The following MALRD1 variants were observed in gnomAD, a reference collection of about 807,000 sequenced individuals.
The protein encoded by MALRD1 is MAM and LDL-receptor class A domain-containing protein 1.
MALRD1 carries 247 observed loss-of-function variants against 242.1 expected under a neutral mutation model. The ratio of observed to expected loss-of-function variants is 1.02; its 90% CI spans 0.92 to 1.13. The LOEUF (loss-of-function observed/expected upper bound fraction) is 1.13, where lower values mean the gene tolerates loss of function less well. Ranked by LOEUF, MALRD1 falls within the 50% of genes most tolerant of loss-of-function variation. The pLI is 0.00. For synonymous variants in MALRD1, 995 were observed against 866.6 expected, an observed-to-expected ratio of 1.15 and a Z score of -2.60; for missense variants, 2,989 against 2,533.1, an observed-to-expected ratio of 1.18 and a Z score of -3.86.
At chr10:19,449,145 G>C (rs1462404522) in intron 28 of MALRD1, among the ~76,000 whole-genome samples, 1 of 152,086 alleles carries the variant, frequency 6.6e-6, no homozygotes, top group Non-Finnish European at 1.5e-5. Context: ...AGATTTTACT[G>C]AGTAGGGCAA....
At chr10:19,354,412 A>G (rs927384387) in intron 26 of MALRD1, among the ~76,000 whole-genome samples, 6 of 152,150 alleles carry the variant, frequency 3.9e-5, no homozygotes, top group Non-Finnish European at 8.8e-5. Flanking sequence ...GTAGGATGTA[A>G]CTAAATACCA....
At chr10:19,078,419 G>A (rs1399614023) in intron 2 of MALRD1, among the ~76,000 whole-genome samples, 1 of 151,766 alleles carries the variant, frequency 6.6e-6, no homozygotes, top group South Asian at 2.1e-4. Flanking sequence ...GCTTGACCAT[G>A]GCGAAAAATT....
chr10:19,715,907 T>C (rs1224230742), intron 38 of MALRD1, among the ~76,000 whole-genome samples: 1 of 152,180 alleles, frequency 6.6e-6, no homozygotes, highest in Non-Finnish European at 1.5e-5. Context: ...AGGGCAGCAC[T>C]AAGCCCTTCA....
intron 34 of MALRD1, among the ~76,000 whole-genome samples, chr10:19,600,791 C>G (rs752739054): frequency 4.7e-4 from 72 of 152,098 alleles, no homozygotes; most frequent in Non-Finnish European, 8.4e-4. Context: ...AGTGAATGAG[C>G]TATGTGGCAC....
At chr10:19,510,290 C>T (rs1337425958) in intron 31 of MALRD1, among the ~76,000 whole-genome samples, 2 of 152,150 alleles carry the variant, frequency 1.3e-5, no homozygotes, top group African/African-American at 4.8e-5. Flanking sequence ...TTCCTCTTAC[C>T]TCAACTGCAA....
At chr10:19,506,575 A>C (rs1292532281) in intron 31 of MALRD1, among the ~76,000 whole-genome samples, 1 of 152,114 alleles carries the variant, frequency 6.6e-6, no homozygotes, top group East Asian at 1.9e-4. Flanking sequence ...TACTAAAAAT[A>C]TTGTTGAGAT....
At chr10:19,667,336 T>G (rs1841719410) in intron 36 of MALRD1, among the ~76,000 whole-genome samples, 1 of 152,148 alleles carries the variant, frequency 6.6e-6, no homozygotes, top group South Asian at 2.1e-4. Flanking sequence ...AACAGCTTAC[T>G]TAGCAGGGGC....
At position 19,117,970 on chromosome 10, in the gene MALRD1, T is replaced by A. The variant is rs185862408; in HGVS notation, c.695-5522T>A. Among the ~76,000 whole-genome samples the A allele has an allele frequency of 2.6e-4, 39 of 152,302 alleles. 1 individual carries two copies. In the East Asian group the frequency reaches 6.6e-3, roughly 26 times the overall value. ...AAAAAGCAAATAGTAATCATTGCGT[T>A]CACCAAGCTTACAATTTAGTCAGGG... On this transcript the variant is annotated intron_variant, in intron 5 of 39. Transcript: ENST00000454679.
At chr10:19,586,588 G>C (rs1264412832) in intron 33 of MALRD1, among the ~76,000 whole-genome samples, 2 of 152,216 alleles carry the variant, frequency 1.3e-5, no homozygotes, top group Non-Finnish European at 2.9e-5. Flanking sequence ...CCCGTTCTCA[G>C]ATCTCTAGCT....
chr10:19,564,545 G>A (rs1836169870), intron 32 of MALRD1, among the ~76,000 whole-genome samples: 2 of 151,830 alleles, frequency 1.3e-5, no homozygotes, highest in Admixed American at 1.3e-4. Context: ...ATTATAAAAT[G>A]TTGACAGTTA....
At chr10:19,399,579 C>G (rs773098615) in intron 28 of MALRD1, among the ~76,000 whole-genome samples, 2 of 152,092 alleles carry the variant, frequency 1.3e-5, no homozygotes, top group African/African-American at 2.4e-5. Flanking sequence ...TTACAGATTA[C>G]AGAGTTGGAG....
chr10:19,732,002 C>T (rs1835315485), intron 39 of MALRD1, among the ~76,000 whole-genome samples: 1 of 151,928 alleles, frequency 6.6e-6, no homozygotes, highest in Non-Finnish European at 1.5e-5. Context: ...GTGTTTTAAT[C>T]AATAATGATA....
rs58034381 is a variant in MALRD1, at chr10:19,163,137, T to TAAAAAA, written c.1657-2477_1657-2472dup. On this transcript the variant is annotated intron_variant, in intron 12 of 39. Coordinates refer to ENST00000454679, the MANE Select transcript of MALRD1 (RefSeq NM_001142308.3). ...TGAACAACTGGAGTGAAACCCTGTC[T>TAAAAAA]AAAAAAAAAAAAAAAAAAAAAAAAA... is the stretch of plus-strand genomic sequence containing the variant. Among the ~76,000 whole-genome samples, 10 of 43,844 alleles carry TAAAAAA rather than the reference T, an allele frequency of 2.3e-4. 2 individuals are homozygous for TAAAAAA. The highest frequency in any genetic ancestry group is 7.0e-4 in the Admixed American group (2 of 2,860). 28.8% of individuals were successfully genotyped at this position (43,844 alleles called of 152,430 possible).
Position 19,138,787 on chromosome 10 carries a change from T to G in MALRD1, c.1411+2006T>G, listed in dbSNP as rs180823488. The stretch of plus-strand genomic sequence containing the variant: ...TCCCCGTAGTAAATCATACTTTATG[T>G]TCACCTTTAAAAAATTGTTTAGCAT... On this transcript the variant is annotated intron_variant, in intron 10 of 39. Coordinates refer to ENST00000454679, the MANE Select transcript of MALRD1 (RefSeq NM_001142308.3). 3.3e-5 allele frequency among the ~76,000 whole-genome samples: 5 copies of G among 152,274 alleles called. No homozygotes were observed. The East Asian group carries it at 9.6e-4, about 29-fold the overall frequency.
intron 18 of MALRD1, 144 bp downstream of exon 18, chr10:19,209,824 G>A (rs1836965842): frequency 2.4e-6 from 2 of 829,734 alleles, no homozygotes; most frequent in Non-Finnish European, 1.8e-6. Context: ...ATTTGAGGGT[G>A]TATCAAAGCT....
intron 38 of MALRD1, among the ~76,000 whole-genome samples, chr10:19,710,039 A>G (rs1484396634): frequency 1.3e-5 from 2 of 152,232 alleles, no homozygotes; most frequent in East Asian, 1.9e-4. Flanking sequence ...GTTGGAGACT[A>G]TAGTGAGCCA....
intron 19 of MALRD1, among the ~76,000 whole-genome samples, chr10:19,261,219 T>C (rs1009808595): frequency 1.3e-5 from 2 of 152,166 alleles, no homozygotes; most frequent in Non-Finnish European, 2.9e-5. Flanking sequence ...TAGGCAGAGA[T>C]GCGAAATGTC....
intron 36 of MALRD1, among the ~76,000 whole-genome samples, chr10:19,665,607 A>G (rs1841643114): frequency 6.6e-6 from 1 of 152,026 alleles, no homozygotes; most frequent in South Asian, 2.1e-4. Context: ...CCCCCAAGAC[A>G]TCGCACCATT....
At chr10:19,261,280 TA>T (rs141639649) in intron 19 of MALRD1, among the ~76,000 whole-genome samples, 2 of 151,544 alleles carry the variant, frequency 1.3e-5, no homozygotes, top group African/African-American at 4.9e-5. Flanking sequence ...GGAAGAAAAA[TA>T]AAAAAAACTT....
Sources: allele counts gnomAD v4.1 joint callset (sites outside exome capture counted in the v4.1 genomes callset), GRCh38; gene constraint gnomAD v4.1.1; transcripts MANE v1.5; gene names NCBI Gene and HGNC (gene_info 2026-07-23, HGNC 2026-07-21).